Variants in ARHGAP10 observed in about 807,000 individuals in gnomAD.
ARHGAP10 encodes rho GTPase-activating protein 10.
A neutral mutation model predicts 108.6 loss-of-function variants in ARHGAP10; 87 were observed. The observed-to-expected ratio is 0.80, with a 90% CI of 0.67 to 0.96. The LOEUF (loss-of-function observed/expected upper bound fraction) is 0.96. Ranked by LOEUF, ARHGAP10 falls within the 40% of genes least tolerant of loss-of-function variation. The probability of loss-of-function intolerance (pLI) is 0.00; values close to 1 mark genes in which losing one functional copy is unlikely to be tolerated. For missense variants in ARHGAP10, 939 were observed against 954.5 expected (o/e 0.98, Z 0.21); for synonymous variants, 347 against 341.1 (o/e 1.02, Z -0.19).
chr4:147,778,485 G>A (rs1730398174), intron 1 of ARHGAP10, among the ~76,000 whole-genome samples: 1 of 152,158 alleles, frequency 6.6e-6, no homozygotes, highest in Admixed American at 6.5e-5. Context: ...CAAAAGTTAT[G>A]CTAACTGAAG....
At chr4:147,873,177 C>G (rs9991741) in intron 7 of ARHGAP10, among the ~76,000 whole-genome samples, 27,013 of 152,004 alleles carry the variant, frequency 0.18, 3,681 homozygotes, top group African/African-American at 0.38. Context: ...CCAGGACTGG[C>G]GCAGGGAAAG....
intron 22 of ARHGAP10, among the ~76,000 whole-genome samples, chr4:148,071,608 TC>T (rs1250832879): frequency 3.3e-5 from 5 of 150,706 alleles, no homozygotes; most frequent in African/African-American, 1.2e-4. Context: ...AGAGCGAGAC[TC>T]CCTCTCAGGA....
At chr4:147,984,434 G>T (rs1413552435) in intron 18 of ARHGAP10, among the ~76,000 whole-genome samples, 3 of 152,230 alleles carry the variant, frequency 2.0e-5, no homozygotes, top group Non-Finnish European at 4.4e-5. Flanking sequence ...GGCTGTGGTG[G>T]TGCCACCTTT....
intron 18 of ARHGAP10, 59 bp from the exon 19 acceptor site, chr4:148,023,204 G>C: frequency 6.3e-7 from 1 of 1,583,512 alleles, no homozygotes; most frequent in Non-Finnish European, 8.6e-7. Context: ...GTTTACTGGA[G>C]TAACACACAG....
rs1310669282 is a variant in ARHGAP10 at position 148,023,412 on chromosome 4, T to C, written c.1866T>C (p.Asp622=). Residue 622 remains aspartate (D), a splice_region_variant and synonymous_variant, in exon 19 of 23, where the codon GAT becomes GAC. Transcript: ENST00000336498. ...ACAATCTTTGTCTGGAGCTGGAAGA[T>C]GGTAAGATGTTAATGATATTTTTTG... The part of the protein sequence containing the change: ...AVYNLCLELE[D]GDNPYPSKED... The C allele has an allele frequency of 1.2e-6, 2 of 1,612,260 alleles. No homozygotes were observed. Among genetic ancestry groups the C allele is most frequent in the Non-Finnish European group, 8.5e-7 (1 of 1,178,734 alleles).
At chr4:147,864,500 G>A (rs1734461509) in intron 5 of ARHGAP10, 1 of 190,428 alleles carries the variant, frequency 5.3e-6, no homozygotes, top group African/African-American at 2.4e-5. Flanking sequence ...TGGTTGGGGT[G>A]AGTTTTTCAA....
intron 18 of ARHGAP10, among the ~76,000 whole-genome samples, chr4:147,989,790 T>C (rs1223244555): frequency 1.3e-5 from 2 of 152,210 alleles, no homozygotes; most frequent in African/African-American, 4.8e-5. Context: ...GGTCCTGAGA[T>C]GATATACATC....
intron 19 of ARHGAP10, among the ~76,000 whole-genome samples, chr4:148,030,172 T>TGAAAATAAGTTCATGGC (rs1295822917): frequency 6.6e-6 from 1 of 152,194 alleles, no homozygotes; most frequent in Non-Finnish European, 1.5e-5. Flanking sequence ...GCTTCTGTGG[T>TGAAAATAAGTTCATGGC]GAAAATAAGT....
intron 18 of ARHGAP10, among the ~76,000 whole-genome samples, chr4:147,991,398 G>T (rs73853999): frequency 0.11 from 16,859 of 152,000 alleles, 1,652 homozygotes; most frequent in African/African-American, 0.27. Context: ...TCCACATCCC[G>T]GCTTCCTCAT....
At chr4:147,873,680 A>AC (rs1407287828) in intron 7 of ARHGAP10, among the ~76,000 whole-genome samples, 27 of 126,040 alleles carry the variant, frequency 2.1e-4, no homozygotes, top group Admixed American at 3.3e-4. Context: ...ACAAAAAACA[A>AC]AACACACACA....
chr4:148,047,670 G>C (rs1728947636), intron 20 of ARHGAP10, among the ~76,000 whole-genome samples: 1 of 152,210 alleles, frequency 6.6e-6, no homozygotes, highest in Non-Finnish European at 1.5e-5. Flanking sequence ...GTGGAGTAAA[G>C]GCAGGATGGT....
At chr4:148,060,005 G>GGA (rs1553978055) in intron 20 of ARHGAP10, among the ~76,000 whole-genome samples, 1 of 122,776 alleles carries the variant, frequency 8.1e-6, no homozygotes, top group East Asian at 2.6e-4. Context: ...GGGAGAGAGA[G>GGA]GAGAGAGAGA....
At chr4:147,955,705 A>G (rs1302386926) in intron 16 of ARHGAP10, among the ~76,000 whole-genome samples, 1 of 152,166 alleles carries the variant, frequency 6.6e-6, no homozygotes, top group African/African-American at 2.4e-5. Context: ...TGGCATGAGC[A>G]AAATGCTGAG....
intron 1 of ARHGAP10, among the ~76,000 whole-genome samples, chr4:147,741,994 A>G (rs892607497): frequency 1.3e-4 from 19 of 151,946 alleles, no homozygotes; most frequent in Non-Finnish European, 1.2e-4. Flanking sequence ...TAATATTTCA[A>G]CGGTGAGTGT....
intron 13 of ARHGAP10, among the ~76,000 whole-genome samples, chr4:147,924,722 C>G (rs903731916): frequency 6.7e-6 from 1 of 150,058 alleles, no homozygotes; most frequent in Admixed American, 6.6e-5. Flanking sequence ...ATTGTAATCT[C>G]AGTTTTACTC....
intron 1 of ARHGAP10, among the ~76,000 whole-genome samples, chr4:147,748,535 A>G (rs1483403156): frequency 6.6e-6 from 1 of 152,220 alleles, no homozygotes; most frequent in Non-Finnish European, 1.5e-5. Flanking sequence ...CCACAAAGGG[A>G]AAAGAAAACA....
intron 1 of ARHGAP10, among the ~76,000 whole-genome samples, chr4:147,814,586 T>G (rs967913360): frequency 2.6e-5 from 4 of 152,188 alleles, no homozygotes; most frequent in African/African-American, 9.6e-5. Flanking sequence ...GTGTTTTTCT[T>G]TTGGTATTCC....
chr4:147,829,316 G>A (rs933613288), intron 3 of ARHGAP10, among the ~76,000 whole-genome samples: 6 of 151,816 alleles, frequency 4.0e-5, no homozygotes, highest in African/African-American at 1.5e-4. Context: ...CCCCCCCATC[G>A]TGCTGGGATT....
In ARHGAP10 at chr4:147,966,854, T is replaced by C. The variant is rs1317251714; in HGVS notation, c.1716+15T>C. 6.4e-7 allele frequency: 1 copy of C among 1,555,174 alleles called. No individual in the cohort carries two copies. The highest frequency in any genetic ancestry group is 8.8e-7 in the Non-Finnish European group (1 of 1,141,864). On this transcript the variant is annotated intron_variant, in intron 18 of 22. Transcript: ENST00000336498. ...ACCATGAAAAGGTAAAATTTTTTTT[T>C]TCTTTAAGAGACTTTGTTTTCGGCT...
Sources: gnomAD v4.1 joint callset for allele counts (sites outside exome capture counted in the v4.1 genomes callset) on GRCh38, gnomAD v4.1.1 for gene constraint, MANE v1.5 for transcripts, NCBI Gene and HGNC (gene_info 2026-07-23, HGNC 2026-07-21) for gene names.